Variants in QTGAL observed in about 807,000 individuals in gnomAD.
QTGAL encodes the protein queuosine-tRNA galactosyltransferase.
chr17:82,956,916 C>A, the QTGAL span: 3 of 1,062,874 alleles, frequency 2.8e-6, no homozygotes, highest in South Asian at 2.7e-5. The surrounding 1 kb of genome is among the most constrained non-coding windows in gnomAD (Gnocchi z 5.7). Flanking sequence ...CAGACTGCGG[C>A]AGGTGTTCAG....
At chr17:83,032,266 C>T in the QTGAL span, among the ~76,000 whole-genome samples, 19 of 67,256 alleles carry the variant, frequency 2.8e-4, no homozygotes, top group African/African-American at 1.4e-3. Flanking sequence ...GCCAGGCCTC[C>T]GACCCAGACC....
chr17:83,000,470 T>C, the QTGAL span, among the ~76,000 whole-genome samples: 1 of 152,252 alleles, frequency 6.6e-6, no homozygotes, highest in Non-Finnish European at 1.5e-5. Context: ...CCTACATTTG[T>C]TTAATTTCTC....
the QTGAL span, among the ~76,000 whole-genome samples, chr17:82,988,380 G>A: frequency 4.6e-5 from 7 of 152,124 alleles, no homozygotes; most frequent in Admixed American, 3.3e-4. Context: ...AGACTTAAAC[G>A]TAAAACCCAA....
the QTGAL span, among the ~76,000 whole-genome samples, chr17:83,028,256 G>A: frequency 1.3e-5 from 2 of 152,076 alleles, no homozygotes; most frequent in African/African-American, 4.8e-5. Flanking sequence ...CGGGCGCGGT[G>A]GCTCACACCT....
At chr17:83,007,158 G>T in the QTGAL span, 1 of 931,178 alleles carries the variant, frequency 1.1e-6, no homozygotes, top group Non-Finnish European at 1.3e-6. Flanking sequence ...AACGTGCTCG[G>T]CCATGGCTGT....
At chr17:82,993,056 A>G in the QTGAL span, among the ~76,000 whole-genome samples, 1 of 152,174 alleles carries the variant, frequency 6.6e-6, no homozygotes, top group Non-Finnish European at 1.5e-5. Context: ...AAGGAAAGGA[A>G]GAGGAGAATA....
the QTGAL span, among the ~76,000 whole-genome samples, chr17:82,984,867 A>G: frequency 6.6e-6 from 1 of 152,098 alleles, no homozygotes; most frequent in Admixed American, 6.5e-5. Context: ...CCGGGTAGCT[A>G]GAGCAGGAGC....
chr17:83,015,160 C>T, the QTGAL span, among the ~76,000 whole-genome samples: 19 of 149,532 alleles, frequency 1.3e-4, no homozygotes, highest in South Asian at 1.3e-3. The surrounding 1 kb of genome is among the most constrained non-coding windows in gnomAD (Gnocchi z 4.4). Context: ...TGGAGGGGAC[C>T]GTCTGCGGTG....
At chr17:82,946,630 AAAT>A in the QTGAL span, among the ~76,000 whole-genome samples, 4 of 145,370 alleles carry the variant, frequency 2.8e-5, no homozygotes, top group South Asian at 2.3e-4. Flanking sequence ...TCTTTAAAAG[AAAT>A]AATGAAAATT....
chr17:82,952,679 C>T, the QTGAL span, among the ~76,000 whole-genome samples: 8 of 152,200 alleles, frequency 5.3e-5, no homozygotes, highest in South Asian at 4.1e-4. Flanking sequence ...AGGACTTGAA[C>T]GCAGCTCTGG....
At chr17:83,028,522 C>CAAAAA in the QTGAL span, among the ~76,000 whole-genome samples, 3 of 52,270 alleles carry the variant, frequency 5.7e-5, no homozygotes, top group Non-Finnish European at 8.2e-5. Flanking sequence ...GACTCCATCT[C>CAAAAA]AAAAAAAAAA....
chr17:82,992,474 C>T, the QTGAL span, among the ~76,000 whole-genome samples: 1 of 152,132 alleles, frequency 6.6e-6, no homozygotes, highest in Non-Finnish European at 1.5e-5. Context: ...TGAAAATATC[C>T]TTCAAACATG....
the QTGAL span, among the ~76,000 whole-genome samples, chr17:82,974,447 C>T: frequency 2.2e-4 from 34 of 152,226 alleles, no homozygotes; most frequent in African/African-American, 8.2e-4. Flanking sequence ...GCAAAGCAGC[C>T]AGCAGATTCA....
chr17:82,982,485 C>G, the QTGAL span, among the ~76,000 whole-genome samples: 1 of 152,094 alleles, frequency 6.6e-6, no homozygotes, highest in Non-Finnish European at 1.5e-5. Context: ...CGGAGATCCT[C>G]TTCCCTCCCG....
At chr17:82,959,350 A>AGTGTGTGTGCACGTGAGTGC in the QTGAL span, among the ~76,000 whole-genome samples, 7 of 150,730 alleles carry the variant, frequency 4.6e-5, no homozygotes, top group African/African-American at 1.7e-4. Flanking sequence ...GTGTACATGC[A>AGTGTGTGTGCACGTGAGTGC]GTGTGTGTGC....
the QTGAL span, chr17:82,956,833 C>CA: frequency 1.3e-6 from 2 of 1,527,328 alleles, no homozygotes; most frequent in Admixed American, 2.0e-5. The surrounding 1 kb of genome is among the most constrained non-coding windows in gnomAD (Gnocchi z 5.7). Context: ...GAGACGCCCT[C>CA]AGGGTGCACG....
the QTGAL span, among the ~76,000 whole-genome samples, chr17:83,033,005 G>A: frequency 9.2e-5 from 14 of 152,338 alleles, 1 homozygote; most frequent in East Asian, 3.9e-4. Context: ...GTAAATCCCC[G>A]CGTAGGCAGG....
At chr17:82,953,931 C>T in the QTGAL span, among the ~76,000 whole-genome samples, 17 of 152,268 alleles carry the variant, frequency 1.1e-4, no homozygotes, top group East Asian at 7.7e-4. Flanking sequence ...CAGAAAAGGC[C>T]TTCAATAAAA....
At chr17:82,944,843 C>T in the QTGAL span, 38,363 of 152,034 alleles carry the variant, frequency 0.25, 5,043 homozygotes, top group East Asian at 0.43. Context: ...AATTTAAGGC[C>T]CAGGGCCAGA....
Sources: allele counts gnomAD v4.1 joint callset (sites outside exome capture counted in the v4.1 genomes callset), GRCh38; gene constraint gnomAD v4.1.1; non-coding constraint Gnocchi (gnomAD v3.1); transcripts MANE v1.5; gene names NCBI Gene and HGNC (gene_info 2026-07-23, HGNC 2026-07-21).